GSPT1: variants seen among roughly 807,000 people sequenced by gnomAD.
GSPT1 encodes the protein eukaryotic peptide chain release factor GTP-binding subunit ERF3A.
A neutral mutation model predicts 72.5 loss-of-function variants in GSPT1; 20 were observed. The ratio of observed to expected loss-of-function variants is 0.28; its 90% CI spans 0.19 to 0.40. The LOEUF (loss-of-function observed/expected upper bound fraction) is 0.40. Ranked by LOEUF, GSPT1 falls within the 10% of genes least tolerant of loss-of-function variation. The pLI is 1.00. For missense variants in GSPT1, 580 were observed against 811.9 expected (o/e 0.71, Z 3.47); for synonymous variants, 334 against 293.5 (o/e 1.14, Z -1.41).
At chr16:11,874,510 A>C (rs980166808) in intron 14 of GSPT1, among the ~76,000 whole-genome samples, 4 of 149,660 alleles carry the variant, frequency 2.7e-5, no homozygotes, top group Admixed American at 1.3e-4. Context: ...TTTAGGAAAA[A>C]ATAATTCTAG....
chr16:11,889,665 C>T (rs577289239), intron 6 of GSPT1, among the ~76,000 whole-genome samples: 2 of 151,828 alleles, frequency 1.3e-5, no homozygotes, highest in South Asian at 2.1e-4. Context: ...CGCCACCATG[C>T]CCAGCTAATT....
In GSPT1 at chr16:11,871,080, GAACT is replaced by G. The variant is rs1487512823; in HGVS notation, c.*2035_*2038del. 1 of 152,020 alleles carries G rather than the reference GAACT, an allele frequency of 6.6e-6. No individual in the cohort carries two copies. The highest frequency in any genetic ancestry group is 1.5e-5 in the Non-Finnish European group (1 of 67,994). The allele number at this position is 152,020 out of a possible 1,614,324, so 9.4% of individuals were successfully genotyped here. On this transcript the variant is annotated 3_prime_UTR_variant, in exon 15 of 15. Transcript: ENST00000434724. ...TTTTATTAACATGGAATTACAAAAAGAACTATTATGTTTTGATTAAAGCTCCTAT... is the reference window on the plus strand; with the variant it reads ...TTTTATTAACATGGAATTACAAAAAGATTATGTTTTGATTAAAGCTCCTAT...
At chr16:11,900,717 C>A (rs988189871) in intron 1 of GSPT1, among the ~76,000 whole-genome samples, 1 of 152,118 alleles carries the variant, frequency 6.6e-6, no homozygotes, top group African/African-American at 2.4e-5. Context: ...AGGAAAATGA[C>A]GGGTGTGGTG....
rs764903132 is a variant in GSPT1, at chr16:11,915,912, G to A, written c.-192C>T. On this transcript the variant is annotated 5_prime_UTR_variant, in exon 1 of 15. Transcript: ENST00000434724. The stretch of plus-strand genomic sequence containing the variant: ...ACTCCACACTCGCGACGACGACAGA[G>A]GCGGCGGCGGCGGCAGCTCAACCCT... 1.2e-6 allele frequency: 1 copy of A among 810,372 alleles called. No individual in the cohort carries two copies. Among genetic ancestry groups the A allele is most frequent in the East Asian group, 2.5e-5 (1 of 39,482 alleles). 50.2% of individuals were successfully genotyped at this position (810,372 alleles called of 1,614,324 possible). A position where few individuals can be genotyped will look rare whatever the true frequency, so the allele number is the denominator to read the frequency against.
chr16:11,897,982 G>A lies in GSPT1; in HGVS notation c.394+12C>T. ...GTTTTCTCAAGTAGACTTTCAAAGA[G>A]TACATCATTACCTTCACACAATGAC... is the stretch of plus-strand genomic sequence containing the variant. On this transcript the variant is annotated intron_variant, in intron 2 of 14. Transcript: ENST00000434724. 6.5e-7 allele frequency: 1 copy of A among 1,539,340 alleles called. No individual in the cohort carries two copies. The highest frequency in any genetic ancestry group is 8.8e-7 in the Non-Finnish European group (1 of 1,133,416).
intron 1 of GSPT1, chr16:11,914,860 C>G: frequency 4.2e-6 from 2 of 473,540 alleles, no homozygotes; most frequent in South Asian, 3.6e-5. Flanking sequence ...GGGCCACGGA[C>G]AGTTTAAACC....
intron 14 of GSPT1, 41 bp downstream of exon 14, chr16:11,875,720 A>G: frequency 2.1e-6 from 3 of 1,453,586 alleles, no homozygotes; most frequent in Non-Finnish European, 2.8e-6. Flanking sequence ...AAAGCTAGGT[A>G]TCCTGGATAT....
At chr16:11,908,345 G>C (rs894860198) in intron 1 of GSPT1, 1 of 149,840 alleles carries the variant, frequency 6.7e-6, no homozygotes, top group Non-Finnish European at 1.5e-5. Context: ...AGAAACAGCC[G>C]GGTGCGGTGG....
Position 11,896,611 on chromosome 16 carries a change from G to C in GSPT1, c.611C>G (p.Pro204Arg). 6.2e-7 allele frequency: 1 copy of C among 1,609,380 alleles called. No homozygotes were observed. The highest frequency in any genetic ancestry group is 1.1e-5 in the South Asian group (1 of 89,878). Residue 204 changes from proline (P) to arginine (R), a missense_variant, in exon 4 of 15, where the codon CCG becomes CGG. Pro to Arg is a moderately radical substitution (Grantham distance 103). Around this residue, in one of 6 missense-constraint regions of GSPT1, gnomAD observed 327 missense variants for 298.8 expected, o/e 1.09. Coordinates refer to ENST00000434724, the MANE Select transcript of GSPT1 (RefSeq NM_002094.4). ...ATGCTCTTTCTTAGGAGCACCTGGCGGTGCAACCACAGACTTAGGTTTTGG... is the reference window on the plus strand; with the variant it reads ...ATGCTCTTTCTTAGGAGCACCTGGCCGTGCAACCACAGACTTAGGTTTTGG... ...EIPKPKSVVAPPGAPKKEHVN... is the reference protein window; with the variant it reads ...EIPKPKSVVARPGAPKKEHVN...
intron 6 of GSPT1, among the ~76,000 whole-genome samples, chr16:11,889,641 G>A (rs1182825324): frequency 6.6e-6 from 1 of 151,850 alleles, no homozygotes; most frequent in Admixed American, 6.6e-5. Flanking sequence ...CCGAGTAGCT[G>A]GGATTAGAGC....
intron 4 of GSPT1, chr16:11,895,378 C>T: frequency 6.3e-6 from 1 of 158,050 alleles, no homozygotes; most frequent in Non-Finnish European, 1.4e-5. Context: ...TTGCACTAAG[C>T]TGAAATCACG....
At chr16:11,884,738 T>C (rs1054517999) in intron 10 of GSPT1, among the ~76,000 whole-genome samples, 50 of 130,438 alleles carry the variant, frequency 3.8e-4, no homozygotes, top group African/African-American at 1.3e-3. Context: ...CACTCTAGCC[T>C]GGGTGACAGA....
intron 14 of GSPT1, among the ~76,000 whole-genome samples, chr16:11,875,553 C>T (rs542874289): frequency 7.2e-5 from 11 of 152,146 alleles, no homozygotes; most frequent in East Asian, 1.9e-4. Context: ...AGATTCTTCA[C>T]GTAGAGCATT....
chr16:11,876,245 C>A, intron 12 of GSPT1, 70 bp from the exon 13 acceptor site: 2 of 941,426 alleles, frequency 2.1e-6, no homozygotes, highest in Non-Finnish European at 3.5e-6. Context: ...TCTCAAGCGC[C>A]ATATAAATCC....
intron 3 of GSPT1, 106 bp downstream of exon 3, chr16:11,897,734 C>T (rs1211806702): frequency 1.0e-5 from 7 of 690,342 alleles, no homozygotes; most frequent in Admixed American, 6.7e-5. Flanking sequence ...CTCAATGTGT[C>T]TTAAATGTAG....
chr16:11,901,755 G>A (rs1456934957), intron 1 of GSPT1, among the ~76,000 whole-genome samples: 3 of 151,538 alleles, frequency 2.0e-5, no homozygotes, highest in Non-Finnish European at 2.9e-5. Context: ...TTGCACCACC[G>A]CACTCTAGCC....
rs980437306 is a variant in GSPT1 at position 11,893,369 on chromosome 16, T to C, written c.698+1585A>G. Among the ~76,000 whole-genome samples the C allele has an allele frequency of 3.9e-5, 6 of 152,138 alleles. No individual in the cohort carries two copies. The South Asian group carries it at 1.2e-3, about 32-fold the overall frequency. ...TTGAAGCCTGGGCTCAAATGATCCTTCCGCCTTGGCCTCCCAAAATGCTAG... is the reference window on the plus strand; with the variant it reads ...TTGAAGCCTGGGCTCAAATGATCCTCCCGCCTTGGCCTCCCAAAATGCTAG... On this transcript the variant is annotated intron_variant, in intron 5 of 14. Coordinates refer to ENST00000434724, the MANE Select transcript of GSPT1 (RefSeq NM_002094.4).
upstream of GSPT1, among the ~76,000 whole-genome samples, chr16:11,916,311 C>A (rs1428338552): frequency 2.6e-5 from 4 of 152,236 alleles, no homozygotes; most frequent in Non-Finnish European, 2.9e-5. Flanking sequence ...TGGTGCAGCT[C>A]TGTGCTGGGC....
Position 11,897,295 on chromosome 16 carries a change from C to T in GSPT1, c.437-510G>A, listed in dbSNP as rs745457198. On this transcript the variant is annotated intron_variant, in intron 3 of 14. Transcript: ENST00000434724. The stretch of plus-strand genomic sequence containing the variant: ...GGAAGAACATTTTTCACCAAGAAAA[C>T]AGAACGTGTGGCCGAGCATGGTGGC... 5.7e-4 allele frequency among the ~76,000 whole-genome samples: 87 copies of T among 152,198 alleles called. 1 individual carries two copies. The highest frequency in any genetic ancestry group is 1.5e-3 in the Admixed American group (23 of 15,280).
Sources: allele counts gnomAD v4.1 joint callset (sites outside exome capture counted in the v4.1 genomes callset), GRCh38; gene constraint gnomAD v4.1.1; regional missense constraint gnomAD v4.1.1; transcripts MANE v1.5; gene names NCBI Gene and HGNC (gene_info 2026-07-23, HGNC 2026-07-21).